Variants in CCDC73 observed in about 807,000 individuals in gnomAD.
The protein encoded by CCDC73 is coiled-coil domain-containing protein 73.
CCDC73 carries 95 observed loss-of-function variants against 116.5 expected under a neutral mutation model. The observed-to-expected ratio is 0.82, with a 90% CI of 0.69 to 0.97. The LOEUF is 0.97. CCDC73 is among the 50% of genes least tolerant of loss of function. The pLI, the probability that CCDC73 is intolerant of heterozygous loss-of-function variation, is 0.00. For missense variants in CCDC73, 1,066 were observed against 1,206.8 expected (o/e 0.88, Z 1.73); for synonymous variants, 398 against 401.3 (o/e 0.99, Z 0.10).
At chr11:32,761,177 T>C (rs1413091291) in intron 1 of CCDC73, among the ~76,000 whole-genome samples, 2 of 152,214 alleles carry the variant, frequency 1.3e-5, no homozygotes, top group Non-Finnish European at 2.9e-5. Context: ...GTAATTTTGT[T>C]GTTTCAAGAG....
At chr11:32,752,072 T>A (rs903101751) in intron 2 of CCDC73, among the ~76,000 whole-genome samples, 5 of 152,212 alleles carry the variant, frequency 3.3e-5, no homozygotes, top group African/African-American at 1.2e-4. Context: ...AATTAAATAA[T>A]CTATTTTGAA....
At chr11:32,725,017 C>T (rs1850019249) in intron 2 of CCDC73, among the ~76,000 whole-genome samples, 1 of 151,860 alleles carries the variant, frequency 6.6e-6, no homozygotes, top group Non-Finnish European at 1.5e-5. Context: ...TTATCATTAC[C>T]ATTTTAGGCT....
chr11:32,698,629 C>T (rs1849779610), intron 6 of CCDC73, among the ~76,000 whole-genome samples: 1 of 152,150 alleles, frequency 6.6e-6, no homozygotes, highest in South Asian at 2.1e-4. Context: ...ATATCGTCTT[C>T]CCAACAATCA....
At chr11:32,764,538 A>C (rs1160877270) in intron 1 of CCDC73, among the ~76,000 whole-genome samples, 6 of 152,200 alleles carry the variant, frequency 3.9e-5, no homozygotes, top group Admixed American at 3.9e-4. Flanking sequence ...AGGAGAAATA[A>C]AATACTTTAC....
intron 2 of CCDC73, among the ~76,000 whole-genome samples, chr11:32,734,230 T>C (rs560103074): frequency 1.3e-5 from 2 of 152,066 alleles, no homozygotes; most frequent in Non-Finnish European, 2.9e-5. Context: ...AGGAAGAAAT[T>C]GATCTCTGAA....
chr11:32,745,543 TTGTAGGTCTCTAAGAAC>T (rs955146663), intron 2 of CCDC73, among the ~76,000 whole-genome samples: 10 of 152,132 alleles, frequency 6.6e-5, no homozygotes, highest in Non-Finnish European at 1.5e-4. Context: ...CTAAGTCTCT[TTGTAGGTCTCTAAGAAC>T]TTGGTTTATG....
chr11:32,789,264 A>G (rs1200064013), intron 1 of CCDC73, among the ~76,000 whole-genome samples: 2 of 152,234 alleles, frequency 1.3e-5, no homozygotes, highest in Non-Finnish European at 2.9e-5. Flanking sequence ...TGAAAGGGCC[A>G]CAGTACAAAA....
At chr11:32,691,345 C>T (rs11031934) in intron 6 of CCDC73, among the ~76,000 whole-genome samples, 41,203 of 151,900 alleles carry the variant, frequency 0.27, 6,448 homozygotes, top group East Asian at 0.79. Context: ...TGTGCCTGGC[C>T]TCAACCACTT....
At chr11:32,733,097 A>G (rs570754084) in intron 2 of CCDC73, among the ~76,000 whole-genome samples, 1 of 152,256 alleles carries the variant, frequency 6.6e-6, no homozygotes, top group Non-Finnish European at 1.5e-5. Flanking sequence ...ATGGAAAACA[A>G]AAAAAAGTAG....
chr11:32,631,764 C>T (rs1452016904), intron 14 of CCDC73, among the ~76,000 whole-genome samples: 1 of 152,118 alleles, frequency 6.6e-6, no homozygotes, highest in Non-Finnish European at 1.5e-5. Flanking sequence ...TTGAGCCTGG[C>T]AGATTGAGGC....
Position 32,645,569 on chromosome 11 carries a change from A to G in CCDC73, c.940-3487T>C, listed in dbSNP as rs940658768. Among the ~76,000 whole-genome samples the G allele has an allele frequency of 1.4e-4, 21 of 151,892 alleles. 2 individuals are homozygous for G. Among genetic ancestry groups the G allele is most frequent in the South Asian group, 4.2e-4 (2 of 4,814 alleles). ...CTCCCAAAGTGCTGGGATTACAGGC[A>G]TGAGCCACCACGCCTGGCCAACTTT... On this transcript the variant is annotated intron_variant, in intron 12 of 17. Transcript: ENST00000335185.
chr11:32,622,934 C>T (rs1855536318), intron 14 of CCDC73, among the ~76,000 whole-genome samples: 1 of 152,036 alleles, frequency 6.6e-6, no homozygotes, highest in African/African-American at 2.4e-5. Flanking sequence ...TCAAATGCTT[C>T]AAAGGGACTG....
At chr11:32,740,905 ATTTCCTTCTT>A (rs1565090128) in intron 2 of CCDC73, among the ~76,000 whole-genome samples, 1 of 151,872 alleles carries the variant, frequency 6.6e-6, no homozygotes, top group Non-Finnish European at 1.5e-5. Flanking sequence ...ACATTTTTCA[ATTTCCTTCTT>A]GATCTCTTCA....
intron 3 of CCDC73, among the ~76,000 whole-genome samples, chr11:32,715,010 A>G (rs1178410606): frequency 6.6e-6 from 1 of 152,144 alleles, no homozygotes; most frequent in Non-Finnish European, 1.5e-5. Context: ...AAAGTCTGAA[A>G]TATTTACTAC....
chr11:32,629,572 G>A (rs1444356748), intron 14 of CCDC73, among the ~76,000 whole-genome samples: 1 of 152,034 alleles, frequency 6.6e-6, no homozygotes, highest in South Asian at 2.1e-4. Flanking sequence ...GCGAATTTTT[G>A]TATTTTTAGT....
intron 9 of CCDC73, among the ~76,000 whole-genome samples, chr11:32,661,364 G>A (rs147493905): frequency 4.9e-4 from 74 of 151,838 alleles, no homozygotes; most frequent in African/African-American, 1.4e-3. Context: ...GGTTTGTAAC[G>A]TATGCATACA....
At chr11:32,657,091 T>C (rs1396287853) in intron 9 of CCDC73, among the ~76,000 whole-genome samples, 1 of 152,180 alleles carries the variant, frequency 6.6e-6, no homozygotes, top group Non-Finnish European at 1.5e-5. Context: ...GAAGCCAGTA[T>C]ATAAGGCTGA....
At chr11:32,720,629 C>CA (rs898053361) in intron 2 of CCDC73, among the ~76,000 whole-genome samples, 1 of 151,562 alleles carries the variant, frequency 6.6e-6, no homozygotes, top group African/African-American at 2.4e-5. Flanking sequence ...AAGGAACCTA[C>CA]AAAAAAAACT....
At chr11:32,690,034 A>C (rs1225531313) in intron 6 of CCDC73, among the ~76,000 whole-genome samples, 5 of 152,284 alleles carry the variant, frequency 3.3e-5, no homozygotes, top group Middle Eastern at 3.4e-3. Flanking sequence ...ACAGGCATAA[A>C]GAAATAGAAA....
Sources: allele counts gnomAD v4.1 joint callset (sites outside exome capture counted in the v4.1 genomes callset), GRCh38; gene constraint gnomAD v4.1.1; transcripts MANE v1.5; gene names NCBI Gene and HGNC (gene_info 2026-07-23, HGNC 2026-07-21).